PLXDC1: variants seen among roughly 807,000 people sequenced by gnomAD.
The protein encoded by PLXDC1 is plexin domain containing 1.
A neutral mutation model predicts 61.3 loss-of-function variants in PLXDC1; 39 were observed. That is an observed-to-expected ratio of 0.64 (90% CI 0.49 to 0.83). The LOEUF is 0.83. PLXDC1 is among the 40% of genes least tolerant of loss of function. The pLI is 0.00. For synonymous variants in PLXDC1, 212 were observed against 254.5 expected, an observed-to-expected ratio of 0.83 and a Z score of 1.59; for missense variants, 596 against 666.5, an observed-to-expected ratio of 0.89 and a Z score of 1.17.
At chr17:39,087,930 C>T (rs757170029) in intron 7 of PLXDC1, among the ~76,000 whole-genome samples, 2 of 152,194 alleles carry the variant, frequency 1.3e-5, no homozygotes, top group Non-Finnish European at 2.9e-5. Flanking sequence ...CCTGGCTGCT[C>T]TTGGGGGCAG....
chr17:39,116,366 G>A (rs980624712), intron 2 of PLXDC1, among the ~76,000 whole-genome samples: 2 of 152,144 alleles, frequency 1.3e-5, no homozygotes, highest in Non-Finnish European at 2.9e-5. Context: ...CGCAGGGGTT[G>A]GCACCTGGCA....
At chr17:39,094,985 G>T (rs2143556644) in intron 7 of PLXDC1, among the ~76,000 whole-genome samples, 1 of 152,306 alleles carries the variant, frequency 6.6e-6, no homozygotes, top group Non-Finnish European at 1.5e-5. Flanking sequence ...GGGACTCAGG[G>T]TGGGGCACAG....
chr17:39,111,413 T>C (rs951378259), intron 2 of PLXDC1, among the ~76,000 whole-genome samples: 2 of 152,208 alleles, frequency 1.3e-5, no homozygotes, highest in Non-Finnish European at 2.9e-5. Flanking sequence ...GCCTCCCAAG[T>C]AGCTGGGATT....
upstream of PLXDC1, chr17:39,152,464 A>C: frequency 8.9e-7 from 1 of 1,124,312 alleles, no homozygotes; most frequent in Non-Finnish European, 1.1e-6. Context: ...ACAGAATAAA[A>C]ATACCCGCAA....
chr17:39,070,951 A>G (rs1411653227), intron 12 of PLXDC1, among the ~76,000 whole-genome samples: 2 of 152,186 alleles, frequency 1.3e-5, no homozygotes, highest in African/African-American at 2.4e-5. Flanking sequence ...GCACTCCAGC[A>G]TGGGCGATAG....
intron 8 of PLXDC1, 53 bp downstream of exon 8, chr17:39,087,554 A>T: frequency 7.4e-7 from 1 of 1,354,546 alleles, no homozygotes; most frequent in Non-Finnish European, 1.1e-6. Flanking sequence ...ACATGAAGCC[A>T]GTCTGCTTGA....
At position 39,141,611 on chromosome 17, in the gene PLXDC1, T is replaced by C. The variant is rs1396846848; in HGVS notation, c.77-1779A>G. ...TGCTACAAACATGGGTGTACAAATA[T>C]CTCTTTGAGACCTGGCCTTCAATTC... On this transcript the variant is annotated intron_variant, in intron 1 of 13. Coordinates refer to ENST00000315392, the MANE Select transcript of PLXDC1 (RefSeq NM_020405.5). Among the ~76,000 whole-genome samples, 3 of 152,244 alleles carry C rather than the reference T, an allele frequency of 2.0e-5. No individual in the cohort carries two copies. The South Asian group carries it at 6.2e-4, about 31-fold the overall frequency.
At chr17:39,118,988 AGAAAG>A (rs1911077438) in intron 2 of PLXDC1, among the ~76,000 whole-genome samples, 1 of 152,376 alleles carries the variant, frequency 6.6e-6, no homozygotes, top group South Asian at 2.1e-4. Context: ...TCTGATCCAC[AGAAAG>A]GAAAGGCAGA....
At position 39,063,572 on chromosome 17, in the gene PLXDC1, C is replaced by T. The variant is rs1908788173; in HGVS notation, c.*4268G>A. 2.9e-6 allele frequency: 2 copies of T among 691,798 alleles called. No homozygotes were observed. Among genetic ancestry groups the T allele is most frequent in the East Asian group, 2.7e-5 (1 of 37,188 alleles). 42.9% of individuals were successfully genotyped at this position (691,798 alleles called of 1,614,324 possible). ...GTATGTGTGGTGATCTTCGGAATGC[C>T]ACTCCAAATCCTTTGCACTTTCTTT... On this transcript the variant is annotated 3_prime_UTR_variant, in exon 14 of 14. Coordinates refer to ENST00000315392, the MANE Select transcript of PLXDC1 (RefSeq NM_020405.5).
intron 7 of PLXDC1, among the ~76,000 whole-genome samples, chr17:39,092,668 G>A (rs1465014607): frequency 1.3e-5 from 2 of 152,228 alleles, no homozygotes; most frequent in African/African-American, 4.8e-5. Flanking sequence ...TGAGATCGGA[G>A]AGGGGACGTT....
chr17:39,110,809 G>A (rs1014514317), intron 2 of PLXDC1, among the ~76,000 whole-genome samples: 3 of 152,220 alleles, frequency 2.0e-5, no homozygotes, highest in Admixed American at 1.3e-4. Flanking sequence ...TACGATAAGC[G>A]ACACAATCTG....
intron 5 of PLXDC1, 88 bp from the exon 6 acceptor site, chr17:39,107,613 C>T: frequency 2.1e-6 from 2 of 960,850 alleles, no homozygotes; most frequent in Non-Finnish European, 3.4e-6. Flanking sequence ...GCAGCGGCCA[C>T]AGGTTGGGTC....
Position 39,063,328 on chromosome 17 carries a change from A to T in PLXDC1, c.*4512T>A. The T allele has an allele frequency of 1.7e-6, 1 of 595,200 alleles. No individual in the cohort carries two copies. Among genetic ancestry groups the T allele is most frequent in the Non-Finnish European group, 3.0e-6 (1 of 335,916 alleles). 36.9% of individuals were successfully genotyped at this position (595,200 alleles called of 1,614,324 possible). A position where few individuals can be genotyped will look rare whatever the true frequency, so the allele number is the denominator to read the frequency against. On this transcript the variant is annotated 3_prime_UTR_variant, in exon 14 of 14. Transcript: ENST00000315392. ...TGACAGCATAGACTTTCTCAGATTT[A>T]TTGTATGTCCTCAGACAGTAGATAA...
chr17:39,149,421 C>T (rs1244063979), intron 1 of PLXDC1, among the ~76,000 whole-genome samples: 1 of 152,172 alleles, frequency 6.6e-6, no homozygotes, highest in Non-Finnish European at 1.5e-5. Flanking sequence ...CACCCGCTTC[C>T]TCCTCATAGG....
intron 1 of PLXDC1, among the ~76,000 whole-genome samples, chr17:39,150,964 G>A (rs994737828): frequency 3.3e-5 from 5 of 152,146 alleles, no homozygotes; most frequent in African/African-American, 1.2e-4. Context: ...CAGAGAAGAG[G>A]AAAAGAAGGC....
chr17:39,093,694 C>G (rs556391863), intron 7 of PLXDC1, among the ~76,000 whole-genome samples: 1 of 148,012 alleles, frequency 6.8e-6, no homozygotes, highest in Non-Finnish European at 1.5e-5. Flanking sequence ...CCGGCCTGGG[C>G]GACAGAGAAA....
At chr17:39,143,953 C>G (rs115441972) in intron 1 of PLXDC1, among the ~76,000 whole-genome samples, 280 of 152,306 alleles carry the variant, frequency 1.8e-3, no homozygotes, top group African/African-American at 6.5e-3. Context: ...GTCTGCCCAG[C>G]TCCCCAGGTC....
chr17:39,105,884 T>C lies in PLXDC1; in HGVS notation c.781A>G (p.Met261Val). 6.2e-7 allele frequency: 1 copy of C among 1,613,770 alleles called. No individual in the cohort carries two copies. Among genetic ancestry groups the C allele is most frequent in the Non-Finnish European group, 8.5e-7 (1 of 1,179,716 alleles). Residue 261 changes from methionine to valine, a missense_variant, in exon 7 of 14, where the codon ATG becomes GTG. Transcript: ENST00000315392. ...ACATCCGGGGATGGATTGAGAATCA[T>C]GAAGGCATCCGATAGGCCGGTTTTG... is the stretch of plus-strand genomic sequence containing the variant. ...PVKTGLSDAFMILNPSPDVPE... is the reference protein window; with the variant it reads ...PVKTGLSDAFVILNPSPDVPE...
chr17:39,111,665 C>G (rs1293881161), intron 2 of PLXDC1: 1 of 152,408 alleles, frequency 6.6e-6, no homozygotes, highest in Non-Finnish European at 1.5e-5. Flanking sequence ...TCCACCATCC[C>G]TTATTTCAGG....
Sources: allele counts gnomAD v4.1 joint callset (sites outside exome capture counted in the v4.1 genomes callset), GRCh38; gene constraint gnomAD v4.1.1; transcripts MANE v1.5; gene names NCBI Gene and HGNC (gene_info 2026-07-23, HGNC 2026-07-21).